Variants in TBL1XR1 observed in about 807,000 individuals in gnomAD.
TBL1XR1 encodes F-box-like/WD repeat-containing protein TBL1XR1.
A neutral mutation model predicts 66.9 loss-of-function variants in TBL1XR1; 5 were observed. That is an observed-to-expected ratio of 0.07 (90% CI 0.04 to 0.16). The LOEUF is 0.16. Among genes scored for constraint, TBL1XR1 ranks in the 10% least tolerant of loss-of-function variants. The pLI, the probability that TBL1XR1 is intolerant of heterozygous loss-of-function variation, is 1.00. For synonymous variants in TBL1XR1, 210 were observed against 206.0 expected, an observed-to-expected ratio of 1.02 and a Z score of -0.17; for missense variants, 238 against 623.2, an observed-to-expected ratio of 0.38 and a Z score of 6.58.
At chr3:177,044,049 C>T (rs1715984679) in intron 10 of TBL1XR1, among the ~76,000 whole-genome samples, 1 of 152,176 alleles carries the variant, frequency 6.6e-6, no homozygotes, top group African/African-American at 2.4e-5. Flanking sequence ...ACCACACCCT[C>T]TTTTCCAGTC....
chr3:177,148,740 T>C (rs1481160063), intron 1 of TBL1XR1, among the ~76,000 whole-genome samples: 2 of 151,658 alleles, frequency 1.3e-5, no homozygotes, highest in African/African-American at 2.4e-5. Context: ...CTGGGTGCGA[T>C]GGCTCACGCC....
intron 1 of TBL1XR1, among the ~76,000 whole-genome samples, chr3:177,137,135 G>A (rs1729090672): frequency 6.6e-6 from 1 of 152,200 alleles, no homozygotes; most frequent in Non-Finnish European, 1.5e-5. Context: ...GTTATGGGGG[G>A]GGAAAGATGA....
Position 177,022,338 on chromosome 3 carries a change from A to C in TBL1XR1, c.*3160T>G, listed in dbSNP as rs987380603. The C allele has an allele frequency of 6.6e-6, 1 of 152,546 alleles. No individual in the cohort carries two copies. Among genetic ancestry groups the C allele is most frequent in the Non-Finnish European group, 1.5e-5 (1 of 67,974 alleles). The allele number at this position is 152,546 out of a possible 1,614,324, so 9.4% of individuals were successfully genotyped here. On this transcript the variant is annotated 3_prime_UTR_variant, in exon 16 of 16. Coordinates refer to ENST00000457928, the MANE Select transcript of TBL1XR1 (RefSeq NM_024665.7). ...ACATACTTACCTAGAGAATAATTAA[A>C]ACAGAATTCAATACAATCTAGTATC...
At chr3:177,109,931 C>T (rs2078353) in intron 1 of TBL1XR1, among the ~76,000 whole-genome samples, 24,277 of 152,028 alleles carry the variant, frequency 0.16, 2,736 homozygotes, top group East Asian at 0.48. Flanking sequence ...TGAAGACGTG[C>T]CTTATATCTT....
chr3:177,197,828 G>T (rs1190308020), upstream of TBL1XR1, among the ~76,000 whole-genome samples: 1 of 147,558 alleles, frequency 6.8e-6, no homozygotes, highest in Admixed American at 6.7e-5. Context: ...ACTCGAAGGC[G>T]CCTCGGGGCC....
chr3:177,046,223 G>A, intron 9 of TBL1XR1, 34 bp from the exon 10 acceptor site: 1 of 1,480,886 alleles, frequency 6.8e-7, no homozygotes, highest in Non-Finnish European at 9.1e-7. Flanking sequence ...ATAAACTCAT[G>A]GAAAGAAGTT....
intron 1 of TBL1XR1, among the ~76,000 whole-genome samples, chr3:177,161,602 G>A (rs1323045933): frequency 6.6e-6 from 1 of 151,880 alleles, no homozygotes; most frequent in East Asian, 1.9e-4. Context: ...GGCCAACTTG[G>A]TGAAACCCCA....
chr3:177,128,656 G>C (rs1039035401), intron 1 of TBL1XR1, among the ~76,000 whole-genome samples: 1 of 152,142 alleles, frequency 6.6e-6, no homozygotes, highest in Admixed American at 6.5e-5. Flanking sequence ...TTACAGGCGT[G>C]AGCCACCGTG....
chr3:177,089,212 G>T (rs980540740), intron 2 of TBL1XR1, among the ~76,000 whole-genome samples: 3 of 152,154 alleles, frequency 2.0e-5, no homozygotes, highest in African/African-American at 7.2e-5. Flanking sequence ...CCTGTCAGTA[G>T]ACCAGAATAT....
intron 1 of TBL1XR1, among the ~76,000 whole-genome samples, chr3:177,167,781 A>C (rs1468772277): frequency 6.6e-6 from 1 of 152,120 alleles, no homozygotes; most frequent in Non-Finnish European, 1.5e-5. Flanking sequence ...AAATACAAAA[A>C]TTAGCCAGGC....
chr3:177,183,865 G>C (rs967445306), intron 1 of TBL1XR1, among the ~76,000 whole-genome samples: 1 of 152,022 alleles, frequency 6.6e-6, no homozygotes. Context: ...ACTTCGGGAG[G>C]CCAAGGCAAG....
Position 177,047,493 on chromosome 3 carries a change from A to G in TBL1XR1, c.759T>C (p.Thr253=). 6.2e-7 allele frequency: 1 copy of G among 1,613,014 alleles called. No homozygotes were observed. The change falls in exon 8 of 16, where the codon ACT becomes ACC. Residue 253 remains threonine (T), a synonymous_variant. Coordinates refer to ENST00000457928, the MANE Select transcript of TBL1XR1 (RefSeq NM_024665.7). ...GGAAAATGCTTCATTTACCATCTTT[A>G]GTCCATATTCTGGCAAACCCATCAT... ...GSYDGFARIW[T]KDGNLASTLG...
intron 1 of TBL1XR1, chr3:177,125,939 AT>A (rs1035242626): frequency 6.6e-6 from 1 of 152,142 alleles, no homozygotes; most frequent in African/African-American, 2.4e-5. Context: ...TTTGTTTTTA[AT>A]TTTTTGGAGT....
chr3:177,188,182 G>A (rs970314117), intron 1 of TBL1XR1, among the ~76,000 whole-genome samples: 2 of 151,644 alleles, frequency 1.3e-5, no homozygotes, highest in African/African-American at 2.4e-5. Context: ...CACCCACCTC[G>A]GCCTCCCAAA....
Position 177,196,740 on chromosome 3 carries a change from C to CG in TBL1XR1, c.-122+380_-122+381insC, listed in dbSNP as rs1238996311. 3.0e-5 allele frequency among the ~76,000 whole-genome samples: 3 copies of CG among 99,006 alleles called. No individual in the cohort carries two copies. In the East Asian group the frequency reaches 1.4e-3, roughly 45 times the overall value. 65.0% of individuals were successfully genotyped at this position (99,006 alleles called of 152,430 possible). The stretch of plus-strand genomic sequence containing the variant: ...CAAATCCTTTCCTGAAAGCCTCCCC[C>CG]CCCAAACACACACGCACAAAAAGGG... On this transcript the variant is annotated intron_variant, in intron 1 of 15. Transcript: ENST00000457928.
In TBL1XR1 at chr3:177,051,873, G is replaced by A. The variant is rs569361636; in HGVS notation, c.205-147C>T. ...TCTGAATTCATATAAGAAGTCCGGAGGGAATAAAGAAACTACAAGCAGCAA... is the reference window on the plus strand; with the variant it reads ...TCTGAATTCATATAAGAAGTCCGGAAGGAATAAAGAAACTACAAGCAGCAA... On this transcript the variant is annotated intron_variant, in intron 4 of 15. Transcript: ENST00000457928. 6 of 1,028,430 alleles carry A rather than the reference G, an allele frequency of 5.8e-6. No homozygotes were observed. In the South Asian group the frequency reaches 9.6e-5, roughly 16 times the overall value. The allele number at this position is 1,028,430 out of a possible 1,614,324, so 63.7% of individuals were successfully genotyped here.
chr3:177,132,556 G>GCTTTCTTTCCCCCCATCTCT (rs1728432261), intron 1 of TBL1XR1, among the ~76,000 whole-genome samples: 1 of 152,096 alleles, frequency 6.6e-6, no homozygotes, highest in Admixed American at 6.5e-5. Context: ...GGGAAAGAAA[G>GCTTTCTTTCCCCCCATCTCT]GTTAACAGAT....
chr3:177,030,970 G>A (rs1056830885), intron 14 of TBL1XR1, among the ~76,000 whole-genome samples: 3 of 152,096 alleles, frequency 2.0e-5, no homozygotes, highest in Admixed American at 6.5e-5. Context: ...AAACTAGCCG[G>A]GTGTGGTGGC....
chr3:177,053,857 A>G lies in TBL1XR1; in HGVS notation c.120T>C (p.Asn40=), dbSNP rs1395661083. The G allele has an allele frequency of 6.2e-7, 1 of 1,613,724 alleles. No individual in the cohort carries two copies. Among genetic ancestry groups the G allele is most frequent in the African/African-American group, 1.3e-5 (1 of 74,930 alleles). ...IESHISQSNI[N]GALVPPAALI... ...ATGCAGCGGGTGGGACGAGGGCACC[A>G]TTTATATTGGACTGACTGATATGGC... The change falls in exon 4 of 16, where the codon AAT becomes AAC. Residue 40 remains asparagine (N), a synonymous_variant. Transcript: ENST00000457928.
Sources: gnomAD v4.1 joint callset for allele counts (sites outside exome capture counted in the v4.1 genomes callset) on GRCh38, gnomAD v4.1.1 for gene constraint, MANE v1.5 for transcripts, NCBI Gene and HGNC (gene_info 2026-07-23, HGNC 2026-07-21) for gene names.